DSCAML1: variants seen among roughly 807,000 people sequenced by gnomAD.
DSCAML1 encodes the protein DS cell adhesion molecule like 1, also known as cell adhesion molecule DSCAML1.
A neutral mutation model predicts 200.5 loss-of-function variants in DSCAML1; 38 were observed. The observed-to-expected ratio is 0.19, with a 90% CI of 0.15 to 0.25. The LOEUF (loss-of-function observed/expected upper bound fraction) is 0.25. Among genes scored for constraint, DSCAML1 ranks in the 10% least tolerant of loss-of-function variants. The pLI, the probability that DSCAML1 is intolerant of heterozygous loss-of-function variation, is 1.00. For synonymous variants in DSCAML1, 1,215 were observed against 1,165.0 expected (o/e 1.04, Z -0.87); for missense variants, 2,223 against 2,858.8 (o/e 0.78, Z 5.07).
intron 3 of DSCAML1, among the ~76,000 whole-genome samples, chr11:117,707,986 C>T (rs1263439864): frequency 6.6e-6 from 1 of 152,110 alleles, no homozygotes; most frequent in Non-Finnish European, 1.5e-5. Flanking sequence ...CTAGACTTAC[C>T]AAGACATGAA....
intron 27 of DSCAML1, among the ~76,000 whole-genome samples, chr11:117,435,093 C>G (rs1479253738): frequency 1.3e-5 from 2 of 152,234 alleles, no homozygotes; most frequent in Non-Finnish European, 2.9e-5. Context: ...GTGCCAGACA[C>G]TGTGTTAGGC....
At chr11:117,459,937 G>C (rs1263631594) in intron 18 of DSCAML1, among the ~76,000 whole-genome samples, 1 of 152,260 alleles carries the variant, frequency 6.6e-6, no homozygotes, top group Non-Finnish European at 1.5e-5. Flanking sequence ...CTCCAGGTCA[G>C]TGAAGGAGGA....
chr11:117,720,965 TG>T (rs2054032875), intron 3 of DSCAML1, among the ~76,000 whole-genome samples: 1 of 152,224 alleles, frequency 6.6e-6, no homozygotes, highest in African/African-American at 2.4e-5. Context: ...AAACATTTAC[TG>T]GCCCTCTCAT....
chr11:117,712,178 G>C (rs946854328), intron 3 of DSCAML1, among the ~76,000 whole-genome samples: 1 of 152,086 alleles, frequency 6.6e-6, no homozygotes, highest in Non-Finnish European at 1.5e-5. Context: ...AGAAGAATAC[G>C]AATGCAACTG....
intron 3 of DSCAML1, among the ~76,000 whole-genome samples, chr11:117,714,245 T>C (rs1465432448): frequency 2.0e-5 from 3 of 152,216 alleles, no homozygotes; most frequent in Non-Finnish European, 2.9e-5. Context: ...AGACTATCTA[T>C]AGCTTCAGTA....
At chr11:117,681,356 C>A (rs146777851) in intron 3 of DSCAML1, among the ~76,000 whole-genome samples, 22 of 152,200 alleles carry the variant, frequency 1.4e-4, no homozygotes, top group Non-Finnish European at 2.4e-4. Context: ...TTTTAACAAG[C>A]GCTCTGGGTG....
intron 3 of DSCAML1, among the ~76,000 whole-genome samples, chr11:117,624,191 GA>G (rs1281309714): frequency 2.0e-5 from 3 of 152,164 alleles, no homozygotes; most frequent in African/African-American, 4.8e-5. Flanking sequence ...CAACTTGATT[GA>G]AATCAGCTGA....
At chr11:117,479,601 G>A (rs552552492) in intron 14 of DSCAML1, among the ~76,000 whole-genome samples, 16 of 152,248 alleles carry the variant, frequency 1.1e-4, no homozygotes, top group Middle Eastern at 3.4e-3. Flanking sequence ...GTGGCGGGGC[G>A]GCCGCACAGC....
At chr11:117,769,779 C>T (rs536261885) in intron 3 of DSCAML1, among the ~76,000 whole-genome samples, 22 of 151,344 alleles carry the variant, frequency 1.5e-4, no homozygotes, top group Non-Finnish European at 2.6e-4. Flanking sequence ...CTTCAGATTG[C>T]TGAGAAGGTG....
chr11:117,699,238 G>A (rs908255909), intron 3 of DSCAML1, among the ~76,000 whole-genome samples: 3 of 152,214 alleles, frequency 2.0e-5, no homozygotes, highest in Non-Finnish European at 2.9e-5. Context: ...GCTACCCAAG[G>A]TGGCAGGGAA....
intron 3 of DSCAML1, among the ~76,000 whole-genome samples, chr11:117,713,276 C>T (rs1000205453): frequency 7.9e-5 from 12 of 152,170 alleles, no homozygotes; most frequent in South Asian, 2.1e-4. Flanking sequence ...CCACCACACC[C>T]AGCTAATTTT....
At chr11:117,431,442 G>T in intron 31 of DSCAML1, 92 bp downstream of exon 31, 1 of 1,234,250 alleles carries the variant, frequency 8.1e-7, no homozygotes. Context: ...CCCATGAGCT[G>T]GTGGGTAGAA....
intron 3 of DSCAML1, among the ~76,000 whole-genome samples, chr11:117,652,472 T>C (rs1354287633): frequency 1.3e-5 from 2 of 152,208 alleles, no homozygotes; most frequent in Non-Finnish European, 2.9e-5. Context: ...CCTCCCCATC[T>C]GGGACTGCAG....
At chr11:117,739,447 T>C (rs1319355172) in intron 3 of DSCAML1, among the ~76,000 whole-genome samples, 3 of 152,246 alleles carry the variant, frequency 2.0e-5, no homozygotes, top group Admixed American at 2.0e-4. Flanking sequence ...AACACTGACC[T>C]GGGACATGGG....
chr11:117,468,232 G>A (rs752652174), intron 16 of DSCAML1, among the ~76,000 whole-genome samples: 8 of 152,092 alleles, frequency 5.3e-5, no homozygotes, highest in Non-Finnish European at 8.8e-5. Flanking sequence ...GATCCATCTC[G>A]TGGAAAGGGT....
At chr11:117,735,172 C>G (rs1407592286) in intron 3 of DSCAML1, among the ~76,000 whole-genome samples, 1 of 152,168 alleles carries the variant, frequency 6.6e-6, no homozygotes, top group Admixed American at 6.5e-5. Flanking sequence ...CACAGCTGGC[C>G]CCAAGTCCCC....
At chr11:117,739,733 G>T (rs538312676) in intron 3 of DSCAML1, among the ~76,000 whole-genome samples, 1 of 152,344 alleles carries the variant, frequency 6.6e-6, no homozygotes, top group East Asian at 1.9e-4. Context: ...GGCTGGGAAA[G>T]TCCTGGGCAA....
intron 14 of DSCAML1, among the ~76,000 whole-genome samples, chr11:117,478,384 G>A (rs907434558): frequency 6.6e-6 from 1 of 152,176 alleles, no homozygotes; most frequent in Non-Finnish European, 1.5e-5. Flanking sequence ...TTACTCCTGG[G>A]TGGCCTGTGC....
At chr11:117,787,040 C>T (rs1470077269) in intron 1 of DSCAML1, among the ~76,000 whole-genome samples, 1 of 152,198 alleles carries the variant, frequency 6.6e-6, no homozygotes, top group Admixed American at 6.5e-5. Context: ...AGTCACCACT[C>T]TGTCTCCTGG....
Sources: gnomAD v4.1 joint callset for allele counts (sites outside exome capture counted in the v4.1 genomes callset) on GRCh38, gnomAD v4.1.1 for gene constraint, MANE v1.5 for transcripts, NCBI Gene and HGNC (gene_info 2026-07-23, HGNC 2026-07-21) for gene names.